The following FAF1 variants were observed in gnomAD, a reference collection of about 807,000 sequenced individuals.
FAF1 encodes the protein FAS-associated factor 1.
In FAF1, 25 loss-of-function variants were observed where a neutral mutation model predicts 92.5. That is an observed-to-expected ratio of 0.27 (90% CI 0.20 to 0.38). The LOEUF is 0.38. Among genes scored for constraint, FAF1 ranks in the 10% least tolerant of loss-of-function variants. FAF1 has a pLI of 1.00. For synonymous variants in FAF1, 234 were observed against 273.2 expected (o/e 0.86, Z 1.42); for missense variants, 636 against 793.3 (o/e 0.80, Z 2.38).
intron 8 of FAF1, among the ~76,000 whole-genome samples, chr1:50,633,513 G>C (rs1365231209): frequency 6.6e-6 from 1 of 152,120 alleles, no homozygotes; most frequent in Non-Finnish European, 1.5e-5. Flanking sequence ...TGAATTACAG[G>C]AACTATAAAA....
intron 3 of FAF1, among the ~76,000 whole-genome samples, chr1:50,792,725 T>C (rs556379236): frequency 6.6e-6 from 1 of 152,300 alleles, no homozygotes; most frequent in East Asian, 1.9e-4. Flanking sequence ...AGTAAGGGAA[T>C]CTGTATTTGA....
chr1:50,734,666 G>A (rs996877485), intron 6 of FAF1, among the ~76,000 whole-genome samples: 2 of 151,708 alleles, frequency 1.3e-5, no homozygotes, highest in East Asian at 3.9e-4. Context: ...CCCAGGGGGC[G>A]GAGCTTGCAT....
At chr1:50,933,361 C>A (rs1215300238) in intron 1 of FAF1, among the ~76,000 whole-genome samples, 2 of 152,164 alleles carry the variant, frequency 1.3e-5, no homozygotes, top group Non-Finnish European at 2.9e-5. Flanking sequence ...AATCATCTCC[C>A]TCAAGTTCAA....
chr1:50,708,073 G>T (rs953053002), intron 6 of FAF1, among the ~76,000 whole-genome samples: 2 of 152,186 alleles, frequency 1.3e-5, no homozygotes, highest in African/African-American at 4.8e-5. Flanking sequence ...CTCACAAAGT[G>T]CTGGGGTTAC....
intron 2 of FAF1, among the ~76,000 whole-genome samples, chr1:50,830,515 C>A (rs951313498): frequency 2.6e-5 from 4 of 152,200 alleles, no homozygotes; most frequent in Non-Finnish European, 5.9e-5. Context: ...TAGATCAATA[C>A]AGACTGACCA....
In FAF1 at chr1:50,959,902, CCG is replaced by C; in HGVS notation, c.-93_-92del. ...GCGACCGTCGCCGCCACCGCCGCCG[CCG>C]CCGCCGGGCGCCGAGGGGCTGGCGG... On this transcript the variant is annotated 5_prime_UTR_variant, in exon 1 of 19. Transcript: ENST00000396153. 1 of 831,232 alleles carries C rather than the reference CCG, an allele frequency of 1.2e-6. No homozygotes were observed. Among genetic ancestry groups the C allele is most frequent in the Non-Finnish European group, 1.5e-6 (1 of 650,334 alleles). 51.5% of individuals were successfully genotyped at this position (831,232 alleles called of 1,614,324 possible). A position where few individuals can be genotyped will look rare whatever the true frequency, so the allele number is the denominator to read the frequency against.
At chr1:50,456,635 C>T (rs1478527295) in intron 18 of FAF1, among the ~76,000 whole-genome samples, 1 of 152,188 alleles carries the variant, frequency 6.6e-6, no homozygotes, top group Admixed American at 6.5e-5. Flanking sequence ...TTATTTACTA[C>T]ACAAGTATTT....
At chr1:50,779,637 T>C (rs1430266038) in intron 4 of FAF1, among the ~76,000 whole-genome samples, 3 of 151,642 alleles carry the variant, frequency 2.0e-5, no homozygotes, top group Non-Finnish European at 4.4e-5. Context: ...TTAAAAAATA[T>C]AATTTGTGAC....
chr1:50,493,280 G>C (rs1263173508), intron 15 of FAF1, among the ~76,000 whole-genome samples: 1 of 152,106 alleles, frequency 6.6e-6, no homozygotes, highest in Admixed American at 6.5e-5. Context: ...TGATCTGCCT[G>C]CCTTGGCCTT....
intron 1 of FAF1, among the ~76,000 whole-genome samples, chr1:50,901,160 T>C (rs1644793276): frequency 6.6e-6 from 1 of 152,198 alleles, no homozygotes; most frequent in African/African-American, 2.4e-5. Flanking sequence ...AGCTACTTAC[T>C]TCCTCTTAAA....
At chr1:50,452,490 T>C (rs1020673897) in intron 18 of FAF1, among the ~76,000 whole-genome samples, 1 of 152,106 alleles carries the variant, frequency 6.6e-6, no homozygotes, top group African/African-American at 2.4e-5. Context: ...CCATTTTCAA[T>C]GTGTGTGGTG....
rs1303803275 is a variant in FAF1, at chr1:50,623,964, GAAGA to G, written c.745-27752_745-27749del. ...AAAAAAAACAAAGAAAGAAGAAGAA[GAAGA>G]AAGAAGAAGAGGAAGAAGAGGAAGA... On this transcript the variant is annotated intron_variant, in intron 8 of 18. Coordinates refer to ENST00000396153, the MANE Select transcript of FAF1 (RefSeq NM_007051.3). Among the ~76,000 whole-genome samples, 6 of 151,228 alleles carry G rather than the reference GAAGA, an allele frequency of 4.0e-5. No individual in the cohort carries two copies. In the East Asian group the frequency reaches 1.2e-3, roughly 29 times the overall value.
At chr1:50,467,066 A>G (rs910945208) in intron 18 of FAF1, among the ~76,000 whole-genome samples, 1 of 152,186 alleles carries the variant, frequency 6.6e-6, no homozygotes, top group Non-Finnish European at 1.5e-5. Flanking sequence ...CATGAACTGC[A>G]GTATGAGGAC....
At chr1:50,637,681 A>ATGTGTG (rs142201244) in intron 8 of FAF1, among the ~76,000 whole-genome samples, 7,166 of 137,048 alleles carry the variant, frequency 0.052, 214 homozygotes, top group African/African-American at 0.077. Context: ...ACATATATAT[A>ATGTGTG]TGTGTGTGTG....
At chr1:50,720,947 C>T (rs920275298) in intron 6 of FAF1, among the ~76,000 whole-genome samples, 78 of 152,212 alleles carry the variant, frequency 5.1e-4, no homozygotes, top group African/African-American at 1.7e-3. Flanking sequence ...CTCAGGATGC[C>T]ATATAAGTTT....
intron 8 of FAF1, among the ~76,000 whole-genome samples, chr1:50,604,581 G>A (rs1161377077): frequency 1.3e-5 from 2 of 152,032 alleles, no homozygotes; most frequent in African/African-American, 4.8e-5. Flanking sequence ...AATCACGGCC[G>A]ACTGCCACCT....
intron 18 of FAF1, among the ~76,000 whole-genome samples, chr1:50,442,450 A>T (rs1456908143): frequency 6.6e-6 from 1 of 152,226 alleles, no homozygotes; most frequent in African/African-American, 2.4e-5. Flanking sequence ...AATGAGAAAA[A>T]ATATATAATT....
At chr1:50,820,267 G>A (rs772216606) in intron 2 of FAF1, among the ~76,000 whole-genome samples, 45 of 152,090 alleles carry the variant, frequency 3.0e-4, no homozygotes, top group South Asian at 4.1e-4. Context: ...TGATAGACCT[G>A]TTTTCAAATC....
chr1:50,922,945 C>G (rs2124735154), intron 1 of FAF1, among the ~76,000 whole-genome samples: 1 of 150,842 alleles, frequency 6.6e-6, no homozygotes. Flanking sequence ...GTCATCATAA[C>G]TGATACCAAA....
Sources: allele counts gnomAD v4.1 joint callset (sites outside exome capture counted in the v4.1 genomes callset), GRCh38; gene constraint gnomAD v4.1.1; transcripts MANE v1.5; gene names NCBI Gene and HGNC (gene_info 2026-07-23, HGNC 2026-07-21).